The following AGPAT2 variants were observed in gnomAD, a reference collection of about 807,000 sequenced individuals.
The protein encoded by AGPAT2 is 1-acyl-sn-glycerol-3-phosphate acyltransferase beta.
AGPAT2 carries 18 observed loss-of-function variants against 26.1 expected under a neutral mutation model. That is an observed-to-expected ratio of 0.69 (90% CI 0.48 to 1.02). AGPAT2 has a LOEUF of 1.02. AGPAT2 is among the 50% of genes least tolerant of loss of function. The pLI is 0.00. For missense variants in AGPAT2, 415 were observed against 394.9 expected (o/e 1.05, Z -0.43); for synonymous variants, 200 against 174.2 (o/e 1.15, Z -1.16).
At chr9:136,685,502 C>T (rs1023228654) in intron 1 of AGPAT2, among the ~76,000 whole-genome samples, 1 of 152,226 alleles carries the variant, frequency 6.6e-6, no homozygotes, top group Non-Finnish European at 1.5e-5. Flanking sequence ...AGGAGGCCGC[C>T]GATGAAGAGG....
intron 4 of AGPAT2, 152 bp from the exon 5 acceptor site, chr9:136,674,959 C>G (rs566325171): frequency 2.0e-6 from 1 of 491,152 alleles, no homozygotes; most frequent in Admixed American, 4.2e-5. Flanking sequence ...CCCCTGGGAC[C>G]TGGGATATGT....
At chr9:136,683,159 G>T (rs1175988450) in intron 1 of AGPAT2, among the ~76,000 whole-genome samples, 1 of 152,002 alleles carries the variant, frequency 6.6e-6, no homozygotes, top group Non-Finnish European at 1.5e-5. Flanking sequence ...TGAGGCAGAC[G>T]GATCACTTGA....
At chr9:136,686,264 A>G (rs1252675816) in intron 1 of AGPAT2, among the ~76,000 whole-genome samples, 7 of 152,190 alleles carry the variant, frequency 4.6e-5, no homozygotes, top group Non-Finnish European at 7.3e-5. Context: ...TGGGGCCACA[A>G]TGCCCCCACC....
rs1846102418 is a variant in AGPAT2, at chr9:136,677,116, C to T, written c.337G>A (p.Glu113Lys). 6.2e-7 allele frequency: 1 copy of T among 1,612,942 alleles called. No individual in the cohort carries two copies. The highest frequency in any genetic ancestry group is 8.5e-7 in the Non-Finnish European group (1 of 1,179,982). ...CGCTTGGCGATCTGCACGCAGCGCT[C>T]CGGAAGGACCTCCATGAGGCCTGGG... The part of the protein sequence containing the change: ...DMMGLMEVLP[E>K]RCVQIAKREL... Residue 113 changes from glutamate (E) to lysine (K), a missense_variant, in exon 3 of 6, where the codon GAG (glutamate) becomes AAG (lysine). Physicochemically the swap from Glu to Lys is moderately conservative, Grantham distance 56. Transcript: ENST00000371696.
At chr9:136,681,229 G>A (rs1021391267) in intron 1 of AGPAT2, among the ~76,000 whole-genome samples, 3 of 151,836 alleles carry the variant, frequency 2.0e-5, no homozygotes, top group East Asian at 1.9e-4. Flanking sequence ...GCTGTGTCCC[G>A]CCGCCCACCA....
chr9:136,678,861 T>C (rs1429826585), intron 1 of AGPAT2, among the ~76,000 whole-genome samples: 1 of 152,112 alleles, frequency 6.6e-6, no homozygotes. Flanking sequence ...CCTGGGCTCC[T>C]CCCACCTCAG....
Position 136,674,766 on chromosome 9 carries a change from G to GA in AGPAT2, c.629dup (p.Tyr211LeufsTer266), listed in dbSNP as rs1846068431. On this transcript the variant is annotated frameshift_variant, in exon 5 of 6. Transcript: ENST00000371696. LOFTEE classifies it low-confidence loss of function (END_TRUNC). ...TGAAGAACTTCTTCTTGGTGTTGTA[G>GA]AAGGAGGAGAAGGAAGAGTACACCA... The GA allele has an allele frequency of 6.5e-7, 1 of 1,530,070 alleles. No individual in the cohort carries two copies. Among genetic ancestry groups the GA allele is most frequent in the African/African-American group, 1.4e-5 (1 of 71,126 alleles). 94.8% of individuals were successfully genotyped at this position (1,530,070 alleles called of 1,614,324 possible).
chr9:136,679,436 T>C (rs1846133470), intron 1 of AGPAT2, among the ~76,000 whole-genome samples: 1 of 152,176 alleles, frequency 6.6e-6, no homozygotes, highest in Non-Finnish European at 1.5e-5. Flanking sequence ...CAGATCTGCC[T>C]TCCTCAGCCA....
intron 3 of AGPAT2, 133 bp from the exon 4 acceptor site, chr9:136,676,813 G>A: frequency 8.0e-7 from 1 of 1,257,026 alleles, no homozygotes; most frequent in Non-Finnish European, 1.1e-6. Flanking sequence ...CATGGATGAT[G>A]TAGGGGTCTG....
At position 136,674,824 on chromosome 9, in the gene AGPAT2, GCA is replaced by G; in HGVS notation, c.589-19_589-18del. On this transcript the variant is annotated intron_variant, in intron 4 of 5. Transcript: ENST00000371696. ...GATGGGCACCTGCAGGCAGGGAGAC[GCA>G]CAGCTGAGGCAGCCCTGGGGACAGG... The G allele has an allele frequency of 3.9e-6, 6 of 1,536,692 alleles. No homozygotes were observed. Among genetic ancestry groups the G allele is most frequent in the Non-Finnish European group, 5.3e-6 (6 of 1,139,688 alleles).
chr9:136,675,277 C>T (rs1404949618), intron 4 of AGPAT2, among the ~76,000 whole-genome samples: 1 of 151,878 alleles, frequency 6.6e-6, no homozygotes, highest in Non-Finnish European at 1.5e-5. Context: ...TCCAAGGGCA[C>T]TTGGGGGTGA....
chr9:136,678,779 T>C (rs1588265234), intron 1 of AGPAT2, among the ~76,000 whole-genome samples: 1 of 119,864 alleles, frequency 8.3e-6, no homozygotes, highest in South Asian at 2.2e-4. Flanking sequence ...CTCCCCTTGC[T>C]CTGTCTTGCT....
At chr9:136,683,594 T>C (rs1041258550) in intron 1 of AGPAT2, among the ~76,000 whole-genome samples, 4 of 152,134 alleles carry the variant, frequency 2.6e-5, no homozygotes, top group East Asian at 3.9e-4. Context: ...GATGGGTCCA[T>C]AGGGGTGCGG....
At chr9:136,684,992 G>A (rs913572784) in intron 1 of AGPAT2, among the ~76,000 whole-genome samples, 1 of 152,154 alleles carries the variant, frequency 6.6e-6, no homozygotes, top group Non-Finnish European at 1.5e-5. Flanking sequence ...GGGAACGCAC[G>A]TTCGCAACAG....
chr9:136,674,776 A>G lies in AGPAT2; in HGVS notation c.620T>C (p.Phe207Ser). The G allele has an allele frequency of 6.5e-7, 1 of 1,535,852 alleles. No individual in the cohort carries two copies. Among genetic ancestry groups the G allele is most frequent in the South Asian group, 1.3e-5 (1 of 79,844 alleles). Residue 207 changes from phenylalanine to serine, a missense_variant, in exon 5 of 6, where the codon TTC (phenylalanine) becomes TCC (serine). Physicochemically the swap from Phe to Ser is radical, Grantham distance 155. Coordinates refer to ENST00000371696, the MANE Select transcript of AGPAT2 (RefSeq NM_006412.4). ...VPIVPVVYSS[F>S]SSFYNTKKKF... ...CTTCTTGGTGTTGTAGAAGGAGGAG[A>G]AGGAAGAGTACACCACGGGGACGAT...
chr9:136,674,955 G>A (rs1217318241), intron 4 of AGPAT2, 148 bp from the exon 5 acceptor site: 9 of 497,702 alleles, frequency 1.8e-5, no homozygotes, highest in Non-Finnish European at 2.7e-5. Context: ...CCTGCCCCTG[G>A]GACCTGGGAT....
chr9:136,675,096 A>C (rs987196677), intron 4 of AGPAT2, among the ~76,000 whole-genome samples: 2 of 152,180 alleles, frequency 1.3e-5, no homozygotes, highest in Non-Finnish European at 2.9e-5. Context: ...TTGGGTCTGC[A>C]GCTAGCCAGG....
At chr9:136,686,957 G>A (rs1846229329) in intron 1 of AGPAT2, among the ~76,000 whole-genome samples, 1 of 152,174 alleles carries the variant, frequency 6.6e-6, no homozygotes, top group South Asian at 2.1e-4. Context: ...GGGGTGGGGT[G>A]CTGGGCACTG....
rs1189983045 is a variant in AGPAT2 at position 136,673,430 on chromosome 9, G to C, written c.*322C>G. 4.0e-6 allele frequency: 1 copy of C among 251,592 alleles called. No individual in the cohort carries two copies. The highest frequency in any genetic ancestry group is 7.6e-6 in the Non-Finnish European group (1 of 131,632). 15.6% of individuals were successfully genotyped at this position (251,592 alleles called of 1,614,324 possible). On this transcript the variant is annotated 3_prime_UTR_variant, in exon 6 of 6. Transcript: ENST00000371696. ...CTCGGGGTCCTCCCATCTGCTCCTGGGCCATCGGGGGCCTTGTGGCTCAGC... is the reference window on the plus strand; with the variant it reads ...CTCGGGGTCCTCCCATCTGCTCCTGCGCCATCGGGGGCCTTGTGGCTCAGC...
Sources: allele counts gnomAD v4.1 joint callset (sites outside exome capture counted in the v4.1 genomes callset), GRCh38; gene constraint gnomAD v4.1.1; transcripts MANE v1.5; gene names NCBI Gene and HGNC (gene_info 2026-07-23, HGNC 2026-07-21).